Variants in MMRN1 observed in about 807,000 individuals in gnomAD.
MMRN1 encodes multimerin 1, also known as multimerin-1.
Under a neutral mutation model 100.7 loss-of-function variants are expected in MMRN1, and 94 were observed. The ratio of observed to expected loss-of-function variants is 0.93; its 90% CI spans 0.79 to 1.11. The LOEUF (loss-of-function observed/expected upper bound fraction) is 1.11. MMRN1 is among the 50% of genes least tolerant of loss of function. The pLI, the probability that MMRN1 is intolerant of heterozygous loss-of-function variation, is 0.00. For missense variants in MMRN1, 1,606 were observed against 1,439.1 expected (o/e 1.12, Z -1.88); for synonymous variants, 575 against 505.0 (o/e 1.14, Z -1.86).
chr4:89,953,444 C>A lies in MMRN1; in HGVS notation c.*26C>A. 2.0e-6 allele frequency: 3 copies of A among 1,536,116 alleles called. No individual in the cohort carries two copies. Among genetic ancestry groups the A allele is most frequent in the Middle Eastern group, 3.5e-4 (2 of 5,682 alleles). On this transcript the variant is annotated 3_prime_UTR_variant, in exon 8 of 8. Coordinates refer to ENST00000264790, the MANE Select transcript of MMRN1 (RefSeq NM_007351.3). ...GTTAGTATGAAAAACAGACTATCAC[C>A]TTTATTGAGAAACAGCCAGTGTTTT...
In MMRN1 at chr4:89,921,603, T is replaced by G. The variant is rs376290321; in HGVS notation, c.851-1565T>G. On this transcript the variant is annotated intron_variant, in intron 3 of 7. Transcript: ENST00000264790. ...ACTTTTCCCCACGCAATCCATCCCC[T>G]AAATAATTACACTATTCCCCAAGCT... Among the ~76,000 whole-genome samples the G allele has an allele frequency of 7.9e-4, 121 of 152,268 alleles. 1 individual carries two copies. Among genetic ancestry groups the G allele is most frequent in the African/African-American group, 2.7e-3 (113 of 41,562 alleles).
At chr4:89,898,802 C>T (rs1283151865) in intron 1 of MMRN1, among the ~76,000 whole-genome samples, 1 of 151,998 alleles carries the variant, frequency 6.6e-6, no homozygotes, top group Non-Finnish European at 1.5e-5. Flanking sequence ...GTTAGGTGGC[C>T]TTTCTAATCG....
chr4:89,939,802 T>C (rs1578499844), intron 6 of MMRN1, among the ~76,000 whole-genome samples: 1 of 152,078 alleles, frequency 6.6e-6, no homozygotes, highest in Admixed American at 6.6e-5. Context: ...TTTTAGGGAG[T>C]TTCTTTTCTT....
intron 6 of MMRN1, among the ~76,000 whole-genome samples, chr4:89,949,370 T>A (rs1229880253): frequency 1.3e-5 from 2 of 152,204 alleles, no homozygotes; most frequent in Non-Finnish European, 2.9e-5. Flanking sequence ...GATACATTCC[T>A]AGTGAAACCC....
chr4:89,886,088 G>A (rs1354096278), intron 1 of MMRN1, among the ~76,000 whole-genome samples: 5 of 108,376 alleles, frequency 4.6e-5, no homozygotes, highest in Admixed American at 2.2e-4. Context: ...GTGGGGTTTT[G>A]CCACATTTCC....
intron 3 of MMRN1, among the ~76,000 whole-genome samples, chr4:89,915,976 A>G (rs10516850): frequency 0.13 from 20,276 of 151,614 alleles, 1,892 homozygotes; most frequent in East Asian, 0.3. Flanking sequence ...AGTCCTTGTG[A>G]TAGAGAATAC....
At chr4:89,903,462 A>G (rs985805805) in intron 1 of MMRN1, among the ~76,000 whole-genome samples, 7 of 151,744 alleles carry the variant, frequency 4.6e-5, no homozygotes, top group Admixed American at 2.0e-4. Flanking sequence ...CATACAAGCA[A>G]TTATGGTTAA....
In MMRN1 at chr4:89,895,288, CAGA is replaced by C; in HGVS notation, c.320_322del (p.Glu107del). On this transcript the variant is annotated inframe_deletion, in exon 1 of 8. Transcript: ENST00000264790. ...CAAACTCTCACATCCACAGAGAAAG[CAGA>C]AGGAGTGGTCAAGTTACAGAATCTT... 1.9e-6 allele frequency: 3 copies of C among 1,613,888 alleles called. No homozygotes were observed. Among genetic ancestry groups the C allele is most frequent in the Non-Finnish European group, 1.7e-6 (2 of 1,179,918 alleles).
chr4:89,900,521 C>A (rs1333727132), intron 1 of MMRN1, among the ~76,000 whole-genome samples: 1 of 152,006 alleles, frequency 6.6e-6, no homozygotes, highest in East Asian at 1.9e-4. Flanking sequence ...CTTATTTTGT[C>A]ACCTTTATTT....
At chr4:89,927,088 T>C (rs1722285854) in intron 4 of MMRN1, among the ~76,000 whole-genome samples, 2 of 152,110 alleles carry the variant, frequency 1.3e-5, no homozygotes, top group Non-Finnish European at 2.9e-5. Context: ...TCAGTTGTTC[T>C]TTTTGCTTAG....
At position 89,936,681 on chromosome 4, in the gene MMRN1, C is replaced by T; in HGVS notation, c.3001C>T (p.Gln1001Ter). 2 of 1,613,496 alleles carry T rather than the reference C, an allele frequency of 1.2e-6. No individual in the cohort carries two copies. The highest frequency in any genetic ancestry group is 1.7e-6 in the Non-Finnish European group (2 of 1,179,640). ...TAGTCTGGCAAATGTTGTCAAGTCT[C>T]AGAAGCAAGTAAAATCATTGCCAAA... is the stretch of plus-strand genomic sequence containing the variant. The part of the protein sequence containing the change: ...PGSLANVVKS[Q>*]KQVKSLPKKI... The change falls in exon 6 of 8, where the codon CAG becomes TAG. Residue 1001 changes from glutamine (Q) to a stop codon, truncating the protein, a stop_gained. Transcript: ENST00000264790. LOFTEE classifies it high-confidence loss of function.
intron 3 of MMRN1, among the ~76,000 whole-genome samples, chr4:89,912,810 T>C (rs1339136595): frequency 6.6e-6 from 1 of 151,276 alleles, no homozygotes; most frequent in African/African-American, 2.4e-5. Context: ...GAAACCGTTA[T>C]GGCTCACATT....
chr4:89,938,979 G>T (rs926474962), intron 6 of MMRN1, among the ~76,000 whole-genome samples: 1 of 152,022 alleles, frequency 6.6e-6, no homozygotes, highest in African/African-American at 2.4e-5. Context: ...TGGTTGCATA[G>T]GTTTGCATGC....
intron 5 of MMRN1, among the ~76,000 whole-genome samples, chr4:89,933,703 A>G (rs1214817070): frequency 1.3e-5 from 2 of 152,134 alleles, no homozygotes; most frequent in East Asian, 3.9e-4. Flanking sequence ...TGAGAACAGC[A>G]TGGGAAAAAA....
chr4:89,923,691 T>G lies in MMRN1; in HGVS notation c.955+419T>G, dbSNP rs540286109. The stretch of plus-strand genomic sequence containing the variant: ...AGGTTGCTTAATGGGTACTGATCCC[T>G]AAGAAATGGGATTATGACTAAGAAT... On this transcript the variant is annotated intron_variant, in intron 4 of 7. Transcript: ENST00000264790. 6.6e-5 allele frequency among the ~76,000 whole-genome samples: 10 copies of G among 152,318 alleles called. No individual in the cohort carries two copies. In the South Asian group the frequency reaches 2.1e-3, roughly 32 times the overall value.
chr4:89,914,248 C>T (rs1721845034), intron 3 of MMRN1, among the ~76,000 whole-genome samples: 1 of 151,364 alleles, frequency 6.6e-6, no homozygotes, highest in Non-Finnish European at 1.5e-5. Flanking sequence ...ACTTCTTCTC[C>T]CCCACTTTTG....
chr4:89,946,986 G>A (rs1290905987), intron 6 of MMRN1, among the ~76,000 whole-genome samples: 2 of 151,898 alleles, frequency 1.3e-5, no homozygotes, highest in Non-Finnish European at 2.9e-5. Context: ...TGGAAAGTTC[G>A]CTTAAATGGA....
upstream of MMRN1, among the ~76,000 whole-genome samples, chr4:89,891,004 C>T (rs1721042422): frequency 6.7e-6 from 1 of 148,320 alleles, no homozygotes; most frequent in Non-Finnish European, 1.5e-5. Context: ...AATTTATTTG[C>T]TTATCTTAAA....
chr4:89,943,509 T>G (rs988942689), intron 6 of MMRN1, among the ~76,000 whole-genome samples: 1 of 152,210 alleles, frequency 6.6e-6, no homozygotes, highest in Non-Finnish European at 1.5e-5. Flanking sequence ...GTGCTAAAAC[T>G]TCTTAAAGCA....
Sources: allele counts gnomAD v4.1 joint callset (sites outside exome capture counted in the v4.1 genomes callset), GRCh38; gene constraint gnomAD v4.1.1; transcripts MANE v1.5; gene names NCBI Gene and HGNC (gene_info 2026-07-23, HGNC 2026-07-21).